Variants in STK24 observed in about 807,000 individuals in gnomAD.
STK24 encodes the protein serine/threonine kinase 24.
Under a neutral mutation model 55.6 loss-of-function variants are expected in STK24, and 21 were observed. The observed-to-expected ratio is 0.38, with a 90% CI of 0.27 to 0.54. The LOEUF (loss-of-function observed/expected upper bound fraction) is 0.54. STK24 is among the 20% of genes least tolerant of loss of function. The pLI is 0.79. For synonymous variants in STK24, 200 were observed against 215.2 expected (o/e 0.93, Z 0.62); for missense variants, 383 against 538.4 (o/e 0.71, Z 2.86).
At chr13:98,539,020 A>G (rs1415061471) in intron 1 of STK24, among the ~76,000 whole-genome samples, 3 of 152,178 alleles carry the variant, frequency 2.0e-5, no homozygotes, top group South Asian at 2.1e-4. Context: ...GACAGCCAAG[A>G]CTCACACACA....
intron 2 of STK24, among the ~76,000 whole-genome samples, chr13:98,501,893 C>G (rs1895478001): frequency 6.6e-6 from 1 of 152,108 alleles, no homozygotes; most frequent in African/African-American, 2.4e-5. Flanking sequence ...CCTAATATCT[C>G]CTTCTTAAAT....
intron 1 of STK24, among the ~76,000 whole-genome samples, chr13:98,560,603 G>A (rs1267633699): frequency 6.6e-6 from 1 of 152,126 alleles, no homozygotes; most frequent in Non-Finnish European, 1.5e-5. Context: ...TTCTGGCCAG[G>A]CGCGGTGGCT....
chr13:98,553,859 C>G (rs115544291), intron 1 of STK24: 3 of 152,038 alleles, frequency 2.0e-5, no homozygotes, highest in Non-Finnish European at 2.9e-5. Context: ...GTCAGGAATT[C>G]GAGACCAACC....
At chr13:98,522,827 C>T (rs962743595) in intron 1 of STK24, among the ~76,000 whole-genome samples, 27 of 152,178 alleles carry the variant, frequency 1.8e-4, no homozygotes, top group Admixed American at 1.7e-3. Context: ...CACCCTGGCT[C>T]GAACAGGACC....
chr13:98,465,583 T>C (rs1264397946), intron 6 of STK24, among the ~76,000 whole-genome samples: 1 of 152,248 alleles, frequency 6.6e-6, no homozygotes, highest in Non-Finnish European at 1.5e-5. Context: ...TGCATCTCCT[T>C]AGACGTACTT....
intron 1 of STK24, among the ~76,000 whole-genome samples, chr13:98,545,048 A>G (rs2139425982): frequency 6.6e-6 from 1 of 152,376 alleles, no homozygotes; most frequent in African/African-American, 2.4e-5. Flanking sequence ...AGGGAAATAG[A>G]CAAGTGAAAA....
At chr13:98,527,395 C>T (rs1896461226) in intron 1 of STK24, among the ~76,000 whole-genome samples, 1 of 152,204 alleles carries the variant, frequency 6.6e-6, no homozygotes, top group Non-Finnish European at 1.5e-5. Context: ...AGACCCCACC[C>T]CAATTAGAGC....
chr13:98,446,244 G>T lies in STK24; in HGVS notation c.*6929C>A. The stretch of plus-strand genomic sequence containing the variant: ...ACAGGGCAGGTGGCCCTGGGACCTT[G>T]GGGGTGGCAGCATGAGGTGAGGGGG... On this transcript the variant is annotated 3_prime_UTR_variant, in exon 11 of 11. Coordinates refer to ENST00000539966, the MANE Select transcript of STK24 (RefSeq NM_001032296.4). 7.1e-7 allele frequency: 1 copy of T among 1,406,694 alleles called. No homozygotes were observed. Among genetic ancestry groups the T allele is most frequent in the South Asian group, 1.2e-5 (1 of 85,374 alleles). 87.1% of individuals were successfully genotyped at this position (1,406,694 alleles called of 1,614,324 possible).
chr13:98,474,941 C>G lies in STK24; in HGVS notation c.477G>C (p.Lys159Asn). ...GGCCAGCCACGCCAAAGTCCGCCAG[C>G]TTCACCTCGCCATGCTCAGACAGCA... ...NVLLSEHGEV[K>N]LADFGVAGQL... Residue 159 changes from lysine (K) to asparagine (N), a missense_variant, in exon 5 of 11, where the codon AAG (lysine) becomes AAC (asparagine). Physicochemically the swap from Lys to Asn is moderately conservative, Grantham distance 94. Coordinates refer to ENST00000539966, the MANE Select transcript of STK24 (RefSeq NM_001032296.4). 6.2e-7 allele frequency: 1 copy of G among 1,613,970 alleles called. No individual in the cohort carries two copies. The highest frequency in any genetic ancestry group is 1.3e-5 in the African/African-American group (1 of 75,070).
chr13:98,458,105 A>G (rs965430842), intron 9 of STK24, among the ~76,000 whole-genome samples: 1 of 152,214 alleles, frequency 6.6e-6, no homozygotes, highest in African/African-American at 2.4e-5. Context: ...TTTCATGTAA[A>G]TAAGTGGCAG....
intron 2 of STK24, among the ~76,000 whole-genome samples, chr13:98,489,130 G>A (rs1472107333): frequency 1.3e-5 from 2 of 152,084 alleles, no homozygotes; most frequent in Admixed American, 1.3e-4. Flanking sequence ...CTACAACAAG[G>A]CCTCGCCTAT....
chr13:98,474,475 G>A (rs188897797), intron 5 of STK24, among the ~76,000 whole-genome samples: 168 of 152,134 alleles, frequency 1.1e-3, no homozygotes, highest in African/African-American at 3.8e-3. Flanking sequence ...ACAGCAGGTG[G>A]AGCCCCTCTG....
chr13:98,558,709 C>T (rs879144213), intron 1 of STK24, among the ~76,000 whole-genome samples: 3 of 152,094 alleles, frequency 2.0e-5, no homozygotes, highest in Non-Finnish European at 4.4e-5. Context: ...CCTTTCTATA[C>T]GAAAATATGC....
At chr13:98,489,036 G>A (rs530862352) in intron 2 of STK24, among the ~76,000 whole-genome samples, 2 of 152,146 alleles carry the variant, frequency 1.3e-5, no homozygotes, top group African/African-American at 4.8e-5. Flanking sequence ...TTTGTAAAAG[G>A]TACCTTTCCG....
rs80198688 is a variant in STK24, at chr13:98,503,025, T to G, written c.273+16218A>C. Reference sequence around the variant, plus strand: ...ATATATTAGAAATACTTTCCATGTGTTTTTTTTTTTTTTTTTCAGTATGGT... The same window carrying G: ...ATATATTAGAAATACTTTCCATGTGGTTTTTTTTTTTTTTTTCAGTATGGT... On this transcript the variant is annotated intron_variant, in intron 2 of 10. Transcript: ENST00000539966. Among the ~76,000 whole-genome samples, 7 of 23,062 alleles carry G rather than the reference T, an allele frequency of 3.0e-4. No homozygotes were observed. In the East Asian group the frequency reaches 7.2e-3, roughly 24 times the overall value. The allele number at this position is 23,062 out of a possible 152,430, so 15.1% of individuals were successfully genotyped here.
intron 2 of STK24, among the ~76,000 whole-genome samples, chr13:98,515,026 T>A (rs1306883798): frequency 1.3e-5 from 2 of 150,488 alleles, no homozygotes; most frequent in Admixed American, 1.3e-4. Flanking sequence ...GAGACTAAAA[T>A]CTTGGCTATA....
chr13:98,475,675 G>C (rs1289592455), intron 3 of STK24, among the ~76,000 whole-genome samples: 2 of 152,150 alleles, frequency 1.3e-5, no homozygotes, highest in African/African-American at 4.8e-5. Flanking sequence ...GCAGGGGCGG[G>C]GCGCAGGCTG....
At chr13:98,461,642 C>T (rs1594574502) in intron 8 of STK24, 132 bp downstream of exon 8, 2 of 1,267,718 alleles carry the variant, frequency 1.6e-6, no homozygotes, top group East Asian at 2.4e-5. Context: ...TCTGCCCATC[C>T]CCTAGCAACA....
chr13:98,510,121 A>G (rs577116129), intron 2 of STK24, among the ~76,000 whole-genome samples: 184 of 152,298 alleles, frequency 1.2e-3, no homozygotes, highest in African/African-American at 4.4e-3. Flanking sequence ...AACCAACCAC[A>G]TTACCCCAGG....
Sources: allele counts gnomAD v4.1 joint callset (sites outside exome capture counted in the v4.1 genomes callset), GRCh38; gene constraint gnomAD v4.1.1; transcripts MANE v1.5; gene names NCBI Gene and HGNC (gene_info 2026-07-23, HGNC 2026-07-21).